RALGAPA2: variants seen among roughly 807,000 people sequenced by gnomAD.
RALGAPA2 encodes the protein ral GTPase-activating protein subunit alpha-2.
A neutral mutation model predicts 230.4 loss-of-function variants in RALGAPA2; 139 were observed. The observed-to-expected ratio is 0.60, with a 90% CI of 0.53 to 0.69. The LOEUF (loss-of-function observed/expected upper bound fraction) is 0.69, where lower values mean the gene tolerates loss of function less well. Among genes scored for constraint, RALGAPA2 ranks in the 30% least tolerant of loss-of-function variants. The pLI, the probability that RALGAPA2 is intolerant of heterozygous loss-of-function variation, is 0.00. For synonymous variants in RALGAPA2, 847 were observed against 837.8 expected (o/e 1.01, Z -0.19); for missense variants, 2,163 against 2,276.0 (o/e 0.95, Z 1.01).
At chr20:20,505,353 T>C in intron 34 of RALGAPA2, 58 bp downstream of exon 34, 6 of 1,474,430 alleles carry the variant, frequency 4.1e-6, no homozygotes, top group Non-Finnish European at 5.4e-6. Flanking sequence ...AATGTCTAGT[T>C]TGGACACATC....
intron 16 of RALGAPA2, among the ~76,000 whole-genome samples, chr20:20,595,258 C>T (rs1228102889): frequency 6.6e-6 from 1 of 152,128 alleles, no homozygotes; most frequent in Non-Finnish European, 1.5e-5. Flanking sequence ...TCTTCAATAA[C>T]CAAAATTCTG....
At chr20:20,460,529 A>C (rs546353681) in intron 37 of RALGAPA2, among the ~76,000 whole-genome samples, 17 of 151,760 alleles carry the variant, frequency 1.1e-4, no homozygotes, top group Non-Finnish European at 2.1e-4. Context: ...CTGTGCAAGA[A>C]CTCTTCTCAC....
chr20:20,621,382 G>T (rs2066315884), intron 10 of RALGAPA2, among the ~76,000 whole-genome samples: 1 of 151,898 alleles, frequency 6.6e-6, no homozygotes, highest in Non-Finnish European at 1.5e-5. Context: ...CTGATGTCAT[G>T]GTGTTGGCCT....
intron 1 of RALGAPA2, among the ~76,000 whole-genome samples, chr20:20,699,980 C>A (rs1176210999): frequency 6.6e-6 from 1 of 152,108 alleles, no homozygotes; most frequent in African/African-American, 2.4e-5. Context: ...AAAAATAAAT[C>A]ATTCTACCAA....
chr20:20,492,373 A>C (rs188822560), intron 36 of RALGAPA2, among the ~76,000 whole-genome samples: 1 of 152,314 alleles, frequency 6.6e-6, no homozygotes, highest in East Asian at 1.9e-4. Flanking sequence ...GGAAACATGC[A>C]TATCCTGTCC....
At chr20:20,467,304 T>C (rs577122856) in intron 37 of RALGAPA2, among the ~76,000 whole-genome samples, 1 of 152,346 alleles carries the variant, frequency 6.6e-6, no homozygotes, top group African/African-American at 2.4e-5. Context: ...GTGTTCCGGA[T>C]ACTTTGTCAA....
chr20:20,689,979 C>T (rs957223503), intron 1 of RALGAPA2, among the ~76,000 whole-genome samples: 2 of 152,114 alleles, frequency 1.3e-5, no homozygotes, highest in Admixed American at 1.3e-4. Context: ...CCCAAACCTT[C>T]CCTGTCCACT....
intron 37 of RALGAPA2, among the ~76,000 whole-genome samples, chr20:20,417,962 T>C (rs1037898617): frequency 1.3e-5 from 2 of 152,206 alleles, no homozygotes; most frequent in Admixed American, 6.5e-5. Flanking sequence ...GCAAACTCTT[T>C]ATGACCTTGG....
chr20:20,567,442 T>A (rs1195637053), intron 23 of RALGAPA2, among the ~76,000 whole-genome samples: 1 of 152,188 alleles, frequency 6.6e-6, no homozygotes, highest in South Asian at 2.1e-4. Context: ...TGGAAAGGTC[T>A]TTCCAGGTTG....
At chr20:20,709,507 T>A (rs957668450) in intron 1 of RALGAPA2, among the ~76,000 whole-genome samples, 14 of 152,144 alleles carry the variant, frequency 9.2e-5, no homozygotes, top group Admixed American at 7.9e-4. Flanking sequence ...AGACATGGAA[T>A]CTTTGCTGGA....
At chr20:20,574,924 C>T (rs1217961834) in intron 20 of RALGAPA2, among the ~76,000 whole-genome samples, 1 of 152,188 alleles carries the variant, frequency 6.6e-6, no homozygotes, top group East Asian at 1.9e-4. Flanking sequence ...CCCTCTTCTC[C>T]ACTGGCATGG....
At chr20:20,654,088 T>G (rs1036544182) in intron 3 of RALGAPA2, among the ~76,000 whole-genome samples, 1 of 152,174 alleles carries the variant, frequency 6.6e-6, no homozygotes, top group African/African-American at 2.4e-5. Flanking sequence ...TTCATGAAAT[T>G]AATGGCCAAA....
intron 9 of RALGAPA2, among the ~76,000 whole-genome samples, chr20:20,633,842 G>A (rs2066767354): frequency 6.6e-6 from 1 of 152,310 alleles, no homozygotes; most frequent in African/African-American, 2.4e-5. Context: ...GCTTCAGTAT[G>A]TTGTAAGAGG....
At chr20:20,693,919 C>T (rs1289303005) in intron 1 of RALGAPA2, among the ~76,000 whole-genome samples, 2 of 152,100 alleles carry the variant, frequency 1.3e-5, no homozygotes, top group East Asian at 1.9e-4. Context: ...GCCTAGGTAA[C>T]ATGGTGAAAC....
At chr20:20,479,932 A>T (rs756265105) in intron 36 of RALGAPA2, among the ~76,000 whole-genome samples, 10 of 152,268 alleles carry the variant, frequency 6.6e-5, no homozygotes, top group Admixed American at 1.3e-4. Flanking sequence ...ATGGATACAG[A>T]ATACATTCAC....
chr20:20,531,600 T>C, intron 27 of RALGAPA2, 87 bp downstream of exon 27: 1 of 1,127,890 alleles, frequency 8.9e-7, no homozygotes, highest in Non-Finnish European at 1.3e-6. Flanking sequence ...ATTTGGGGGA[T>C]AAAAAAGATG....
chr20:20,495,272 G>A lies in RALGAPA2; in HGVS notation c.5212C>T (p.Arg1738Cys), dbSNP rs771939624. The change falls in exon 36 of 40, where the codon CGT becomes TGT. Residue 1738 changes from arginine to cysteine, a missense_variant. Arg to Cys is a radical substitution (Grantham distance 180, BLOSUM62 -3). Coordinates refer to ENST00000202677, the MANE Select transcript of RALGAPA2 (RefSeq NM_020343.4). ...DSDDSLTKKL[R>C]HLGNDEVHIV... ...TGGACCTCGTCATTCCCCAAGTGACGAAGCTGCAACAGCAAATTGACTGTT... is the reference window on the plus strand; with the variant it reads ...TGGACCTCGTCATTCCCCAAGTGACAAAGCTGCAACAGCAAATTGACTGTT... The A allele has an allele frequency of 2.0e-6, 3 of 1,520,470 alleles. No homozygotes were observed. Among genetic ancestry groups the A allele is most frequent in the East Asian group, 2.3e-5 (1 of 42,862 alleles). 94.2% of individuals were successfully genotyped at this position (1,520,470 alleles called of 1,614,324 possible).
intron 37 of RALGAPA2, among the ~76,000 whole-genome samples, chr20:20,462,300 G>T (rs1335099437): frequency 1.3e-5 from 2 of 152,198 alleles, no homozygotes; most frequent in Non-Finnish European, 2.9e-5. Flanking sequence ...TATCCTACTA[G>T]AAACGAAAGC....
At chr20:20,496,172 G>A (rs1424564528) in intron 35 of RALGAPA2, among the ~76,000 whole-genome samples, 1 of 149,448 alleles carries the variant, frequency 6.7e-6, no homozygotes, top group Non-Finnish European at 1.5e-5. Flanking sequence ...TATACACAAA[G>A]AGGCTGTAAA....
Sources: allele counts gnomAD v4.1 joint callset (sites outside exome capture counted in the v4.1 genomes callset), GRCh38; gene constraint gnomAD v4.1.1; transcripts MANE v1.5; gene names NCBI Gene and HGNC (gene_info 2026-07-23, HGNC 2026-07-21).